Variants in ROR2 observed in about 807,000 individuals in gnomAD.
ROR2 encodes the protein ROR family WNT receptor 2.
Under a neutral mutation model 74.9 loss-of-function variants are expected in ROR2, and 33 were observed. The observed-to-expected ratio is 0.44, with a 90% confidence interval of 0.33 to 0.59. The LOEUF is 0.59. ROR2 is among the 20% of genes least tolerant of loss of function. The pLI is 0.02. For missense variants in ROR2, 1,216 were observed against 1,313.8 expected, an observed-to-expected ratio of 0.93 and a Z score of 1.15; for synonymous variants, 586 against 558.7, an observed-to-expected ratio of 1.05 and a Z score of -0.69.
chr9:91,807,460 A>AGTGGGG (rs1306483932), intron 1 of ROR2, among the ~76,000 whole-genome samples: 1 of 152,232 alleles, frequency 6.6e-6, no homozygotes. Context: ...TAAACCAGTA[A>AGTGGGG]GTGTGTTTTC....
At chr9:91,868,917 T>C (rs116706994) in intron 1 of ROR2, among the ~76,000 whole-genome samples, 1,927 of 152,296 alleles carry the variant, frequency 0.013, 42 homozygotes, top group African/African-American at 0.043. Context: ...CACATCAATG[T>C]TGGGAATGCA....
chr9:91,928,892 C>T (rs114177426), intron 1 of ROR2, among the ~76,000 whole-genome samples: 1,965 of 152,294 alleles, frequency 0.013, 57 homozygotes, highest in African/African-American at 0.044. Context: ...CAATAAATAT[C>T]AGGACTGAAT....
rs1278151039 is a variant in ROR2, at chr9:91,905,138, A to C, written c.97+44729T>G. Among the ~76,000 whole-genome samples the C allele has an allele frequency of 6.6e-6, 1 of 151,060 alleles. No individual in the cohort carries two copies. The highest frequency in any genetic ancestry group is 1.5e-5 in the Non-Finnish European group (1 of 67,830). On this transcript the variant is annotated intron_variant, in intron 1 of 8. Coordinates refer to ENST00000375708, the MANE Select transcript of ROR2 (RefSeq NM_004560.4). The surrounding 1 kb of genome is among the most constrained non-coding windows in gnomAD (Gnocchi z 5.3). ...ACCACATATCACACACACACCCCCC[A>C]CACAAATATCACACATGCAAGACAC...
At chr9:91,865,911 T>G (rs1199064793) in intron 1 of ROR2, among the ~76,000 whole-genome samples, 6 of 152,218 alleles carry the variant, frequency 3.9e-5, no homozygotes, top group Non-Finnish European at 7.3e-5. Context: ...TATATGACTC[T>G]AACATGGGAT....
chr9:91,789,068 G>C (rs551574674), intron 1 of ROR2, among the ~76,000 whole-genome samples: 1 of 152,182 alleles, frequency 6.6e-6, no homozygotes, highest in African/African-American at 2.4e-5. Context: ...ACAATGTAAT[G>C]TATACTTCAC....
intron 1 of ROR2, among the ~76,000 whole-genome samples, chr9:91,843,504 G>A (rs928405297): frequency 3.4e-4 from 52 of 152,312 alleles, no homozygotes; most frequent in African/African-American, 8.4e-4. Flanking sequence ...ATCTAGATGA[G>A]AGGCGCAGGT....
At chr9:91,907,352 T>C (rs972559340) in intron 1 of ROR2, among the ~76,000 whole-genome samples, 1 of 152,000 alleles carries the variant, frequency 6.6e-6, no homozygotes, top group Non-Finnish European at 1.5e-5. Context: ...CCAAACCAAA[T>C]GGACACAGCT....
At chr9:91,781,358 G>A (rs1457703311) in intron 1 of ROR2, among the ~76,000 whole-genome samples, 1 of 152,204 alleles carries the variant, frequency 6.6e-6, no homozygotes, top group Non-Finnish European at 1.5e-5. Flanking sequence ...ACGTGCAAAT[G>A]TCACTCATGT....
chr9:91,873,818 T>C (rs755287065), intron 1 of ROR2, among the ~76,000 whole-genome samples: 1 of 152,178 alleles, frequency 6.6e-6, no homozygotes, highest in Non-Finnish European at 1.5e-5. Context: ...GTGTTCTACA[T>C]CCAGATTCTT....
chr9:91,760,620 C>T (rs7852408), intron 2 of ROR2, among the ~76,000 whole-genome samples: 14,481 of 146,602 alleles, frequency 0.099, 797 homozygotes, highest in Middle Eastern at 0.14. Context: ...GGTGACAGAG[C>T]GAGACTCTGT....
At chr9:91,734,531 C>T (rs1326144021) in intron 5 of ROR2, among the ~76,000 whole-genome samples, 3 of 151,140 alleles carry the variant, frequency 2.0e-5, no homozygotes, top group East Asian at 2.0e-4. Context: ...GCAAGGAAAG[C>T]GTGTAAGTGC....
intron 1 of ROR2, among the ~76,000 whole-genome samples, chr9:91,854,365 A>G (rs1183495263): frequency 6.6e-6 from 1 of 151,990 alleles, no homozygotes; most frequent in Non-Finnish European, 1.5e-5. Flanking sequence ...CAATGGCAAC[A>G]CTCTCCACTA....
intron 1 of ROR2, among the ~76,000 whole-genome samples, chr9:91,822,664 G>A (rs1399738604): frequency 6.6e-6 from 1 of 152,160 alleles, no homozygotes; most frequent in African/African-American, 2.4e-5. Flanking sequence ...GGCTGTTTGG[G>A]GAACAAGATA....
At chr9:91,756,306 T>C (rs1825748128) in intron 3 of ROR2, among the ~76,000 whole-genome samples, 1 of 152,192 alleles carries the variant, frequency 6.6e-6, no homozygotes. Flanking sequence ...ACTGAGGATA[T>C]CTTTGTTTTT....
At position 91,949,878 on chromosome 9, in the gene ROR2, G is replaced by A; in HGVS notation, c.86C>T (p.Ser29Phe). ...WAAAALLLSV[S>F]RTSGEVEVLD... ...ACGCCAGATCCTACCTGAAGTCCGG[G>A]ACACTGAGAGCAGAAGCGCGGCGGC... Residue 29 changes from serine to phenylalanine, a missense_variant, in exon 1 of 9, where the codon TCC (serine) becomes TTC (phenylalanine). Transcript: ENST00000375708. 6.5e-6 allele frequency: 10 copies of A among 1,539,914 alleles called. No individual in the cohort carries two copies. Among genetic ancestry groups the A allele is most frequent in the Non-Finnish European group, 8.8e-6 (10 of 1,139,838 alleles).
At chr9:91,771,232 G>T (rs542751950) in intron 2 of ROR2, among the ~76,000 whole-genome samples, 3 of 152,196 alleles carry the variant, frequency 2.0e-5, no homozygotes, top group Non-Finnish European at 4.4e-5. Context: ...CAGCTCGCCG[G>T]GTCTATTTTG....
intron 1 of ROR2, among the ~76,000 whole-genome samples, chr9:91,947,447 G>C (rs1832039458): frequency 1.3e-5 from 2 of 152,158 alleles, no homozygotes; most frequent in African/African-American, 4.8e-5. Context: ...AAAATATGTT[G>C]CCTTACTATA....
rs561442235 is a variant in ROR2, at chr9:91,751,595, T to A, written c.494+4476A>T. ...ACACAAAATATTAAAAATAGAGAAC[T>A]AATAGAAACTAGCAAATCCAGATTG... is the stretch of plus-strand genomic sequence containing the variant. On this transcript the variant is annotated intron_variant, in intron 4 of 8. Transcript: ENST00000375708. Among the ~76,000 whole-genome samples, 3 of 152,284 alleles carry A rather than the reference T, an allele frequency of 2.0e-5. No homozygotes were observed. The East Asian group carries it at 5.8e-4, about 29-fold the overall frequency.
intron 1 of ROR2, among the ~76,000 whole-genome samples, chr9:91,780,723 G>A (rs1476708123): frequency 6.6e-6 from 1 of 152,156 alleles, no homozygotes; most frequent in Admixed American, 6.5e-5. Flanking sequence ...TCTGGGAGGT[G>A]GAGGTTGCAG....
Sources: gnomAD v4.1 joint callset for allele counts (sites outside exome capture counted in the v4.1 genomes callset) on GRCh38, gnomAD v4.1.1 for gene constraint, Gnocchi (gnomAD v3.1) non-coding constraint, MANE v1.5 for transcripts, NCBI Gene and HGNC (gene_info 2026-07-23, HGNC 2026-07-21) for gene names.